The following SCN8A variants were observed in gnomAD, a reference collection of about 807,000 sequenced individuals.
SCN8A encodes sodium channel protein type 8 subunit alpha.
Under a neutral mutation model 184.1 loss-of-function variants are expected in SCN8A, and 30 were observed. The observed-to-expected ratio is 0.16, with a 90% CI of 0.12 to 0.22. The LOEUF (loss-of-function observed/expected upper bound fraction) is 0.22, where lower values mean the gene tolerates loss of function less well. Ranked by LOEUF, SCN8A falls within the 10% of genes least tolerant of loss-of-function variation. The pLI, the probability that SCN8A is intolerant of heterozygous loss-of-function variation, is 1.00. For synonymous variants in SCN8A, 852 were observed against 907.0 expected, an observed-to-expected ratio of 0.94 and a Z score of 1.09; for missense variants, 1,057 against 2,498.9, an observed-to-expected ratio of 0.42 and a Z score of 12.30.
At chr12:51,592,061 A>ACCCCCCCCCCCCCCCCC (rs1939235571) in intron 1 of SCN8A, among the ~76,000 whole-genome samples, 1 of 13,074 alleles carries the variant, frequency 7.6e-5, no homozygotes, top group Non-Finnish European at 1.6e-4. Context: ...CCCCACCCCC[A>ACCCCCCCCCCCCCCCCC]CCCCCCACCC....
At chr12:51,789,172 C>A in intron 23 of SCN8A, 109 bp from the exon 24 acceptor site, 1 of 1,200,750 alleles carries the variant, frequency 8.3e-7, no homozygotes, top group Non-Finnish European at 1.2e-6. Flanking sequence ...GGCTCTCCCA[C>A]CCCAAGATGT....
intron 1 of SCN8A, among the ~76,000 whole-genome samples, chr12:51,603,348 A>G (rs566889362): frequency 7.2e-5 from 11 of 152,260 alleles, no homozygotes; most frequent in South Asian, 2.1e-4. Context: ...GTATTTTTCA[A>G]TTGTTCTTTT....
chr12:51,683,335 C>T (rs1438736389), intron 2 of SCN8A, among the ~76,000 whole-genome samples: 2 of 152,096 alleles, frequency 1.3e-5, no homozygotes, highest in African/African-American at 4.8e-5. Flanking sequence ...CAAAGGCCAA[C>T]GTTATGAATT....
chr12:51,698,478 A>C (rs1372734322), intron 6 of SCN8A, among the ~76,000 whole-genome samples: 1 of 152,184 alleles, frequency 6.6e-6, no homozygotes, highest in Non-Finnish European at 1.5e-5. Context: ...TGCATTGGCT[A>C]CCAAGAGTGC....
Position 51,810,331 on chromosome 12 carries a change from A to G in SCN8A, c.*2902A>G. ...TGCTCACTCACTCACTCTCTCACCCATCCTGCTCCACACTTCTTTGGTAGT... is the reference window on the plus strand; with the variant it reads ...TGCTCACTCACTCACTCTCTCACCCGTCCTGCTCCACACTTCTTTGGTAGT... On this transcript the variant is annotated 3_prime_UTR_variant, in exon 27 of 27. Coordinates refer to ENST00000627620, the MANE Select transcript of SCN8A (RefSeq NM_001330260.2). The G allele has an allele frequency of 2.7e-6, 1 of 375,856 alleles. No homozygotes were observed. Among genetic ancestry groups the G allele is most frequent in the Admixed American group, 3.0e-5 (1 of 33,316 alleles). The allele number at this position is 375,856 out of a possible 1,614,324, so 23.3% of individuals were successfully genotyped here.
chr12:51,788,466 C>T (rs1938151890), intron 22 of SCN8A: 2 of 340,362 alleles, frequency 5.9e-6, no homozygotes, highest in African/African-American at 4.2e-5. Context: ...AGCCTTAATC[C>T]CATTACCATT....
intron 15 of SCN8A, among the ~76,000 whole-genome samples, chr12:51,764,152 A>G (rs1942802681): frequency 6.6e-6 from 1 of 152,232 alleles, no homozygotes; most frequent in Admixed American, 6.5e-5. Context: ...ATATAGGGTA[A>G]CACCTGGTAA....
At position 51,732,247 on chromosome 12, in the gene SCN8A, C is replaced by T. The variant is rs568307964; in HGVS notation, c.1998+10339C>T. On this transcript the variant is annotated intron_variant, in intron 12 of 26. Coordinates refer to ENST00000627620, the MANE Select transcript of SCN8A (RefSeq NM_001330260.2). ...AATCCATTTTGATTTCATTTTTGTA[C>T]ATGGTGAAAGACAGGGGACTAGTTT... Among the ~76,000 whole-genome samples the T allele has an allele frequency of 6.6e-5, 10 of 152,278 alleles. No individual in the cohort carries two copies. The South Asian group carries it at 1.9e-3, about 28-fold the overall frequency.
chr12:51,730,392 A>G (rs758652486), intron 12 of SCN8A, among the ~76,000 whole-genome samples: 4 of 152,168 alleles, frequency 2.6e-5, no homozygotes, highest in South Asian at 2.1e-4. Context: ...CTGTTTGTCT[A>G]TGCTTATGCC....
chr12:51,749,419 T>C (rs541618352), intron 13 of SCN8A, among the ~76,000 whole-genome samples: 42 of 152,250 alleles, frequency 2.8e-4, no homozygotes, highest in African/African-American at 9.9e-4. Context: ...CACGTGCCAA[T>C]GAGCAACAGT....
At chr12:51,776,391 A>G (rs531196420) in intron 20 of SCN8A, among the ~76,000 whole-genome samples, 1 of 152,344 alleles carries the variant, frequency 6.6e-6, no homozygotes, top group East Asian at 1.9e-4. Flanking sequence ...GGGTTGCTTG[A>G]TCATTACATT....
At chr12:51,790,225 G>C (rs1216772162) in intron 24 of SCN8A, among the ~76,000 whole-genome samples, 173 bp from the exon 25 acceptor site, 1 of 152,156 alleles carries the variant, frequency 6.6e-6, no homozygotes, top group Non-Finnish European at 1.5e-5. Context: ...ACAAAGGCAG[G>C]TATCTCTTTA....
chr12:51,728,802 T>C (rs140398950), intron 12 of SCN8A, among the ~76,000 whole-genome samples: 1 of 151,482 alleles, frequency 6.6e-6, no homozygotes, highest in Non-Finnish European at 1.5e-5. Flanking sequence ...TTCCTTAATT[T>C]TTGTTCCCAT....
At chr12:51,796,977 C>A (rs2138924030) in intron 26 of SCN8A, among the ~76,000 whole-genome samples, 1 of 152,294 alleles carries the variant, frequency 6.6e-6, no homozygotes, top group African/African-American at 2.4e-5. Flanking sequence ...GCCTTCCTCT[C>A]CCAGTCCACT....
At position 51,806,229 on chromosome 12, in the gene SCN8A, A is replaced by T; in HGVS notation, c.4796-53A>T. ...ACAATGCCAGGTAAAAAAAATAAAG[A>T]GAAAGGGTGTCTCCCATCTCAATAA... On this transcript the variant is annotated intron_variant, in intron 26 of 26. Coordinates refer to ENST00000627620, the MANE Select transcript of SCN8A (RefSeq NM_001330260.2). This position sits in a 1 kb window ranked among gnomAD's most constrained non-coding sequence, Gnocchi z 8.7. 1 of 1,466,808 alleles carries T rather than the reference A, an allele frequency of 6.8e-7. No homozygotes were observed. The allele number at this position is 1,466,808 out of a possible 1,614,324, so 90.9% of individuals were successfully genotyped here. A position where few individuals can be genotyped will look rare whatever the true frequency, so the allele number is the denominator to read the frequency against.
At chr12:51,617,999 C>G (rs1301646804) in intron 1 of SCN8A, among the ~76,000 whole-genome samples, 3 of 152,136 alleles carry the variant, frequency 2.0e-5, no homozygotes, top group Non-Finnish European at 2.9e-5. Flanking sequence ...CATATACAGC[C>G]TTATTGAGCT....
intron 14 of SCN8A, among the ~76,000 whole-genome samples, chr12:51,752,899 G>A (rs1942617899): frequency 6.6e-6 from 1 of 152,134 alleles, no homozygotes; most frequent in South Asian, 2.1e-4. Flanking sequence ...TGTTGATGTT[G>A]GTGGTTCTGT....
intron 16 of SCN8A, 43 bp from the exon 17 acceptor site, chr12:51,768,822 A>G (rs1319894497): frequency 1.3e-6 from 2 of 1,493,258 alleles, no homozygotes; most frequent in Non-Finnish European, 1.8e-6. Context: ...TCGATGGATA[A>G]CTTTTCTGCA....
At chr12:51,804,495 CTT>C (rs35338908) in intron 26 of SCN8A, among the ~76,000 whole-genome samples, 1 of 142,420 alleles carries the variant, frequency 7.0e-6, no homozygotes, top group African/African-American at 2.6e-5. Flanking sequence ...ATTTTTGTAC[CTT>C]TTTTTTTTTT....
Sources: allele counts gnomAD v4.1 joint callset (sites outside exome capture counted in the v4.1 genomes callset), GRCh38; gene constraint gnomAD v4.1.1; non-coding constraint Gnocchi (gnomAD v3.1); transcripts MANE v1.5; gene names NCBI Gene and HGNC (gene_info 2026-07-23, HGNC 2026-07-21).